CEP89: variants seen among roughly 807,000 people sequenced by gnomAD.
CEP89 encodes centrosomal protein of 89 kDa.
In CEP89, 95 loss-of-function variants were observed where a neutral mutation model predicts 97.6. The ratio of observed to expected loss-of-function variants is 0.97; its 90% CI spans 0.82 to 1.15. The LOEUF is 1.15. Among genes scored for constraint, CEP89 ranks in the 50% most tolerant of loss-of-function variants. CEP89 has a pLI of 0.00. For missense variants in CEP89, 869 were observed against 947.7 expected, an observed-to-expected ratio of 0.92 and a Z score of 1.09; for synonymous variants, 354 against 349.1, an observed-to-expected ratio of 1.01 and a Z score of -0.16.
intron 9 of CEP89, among the ~76,000 whole-genome samples, chr19:32,929,664 C>T (rs1970430964): frequency 2.6e-5 from 4 of 151,954 alleles, no homozygotes; most frequent in Non-Finnish European, 4.4e-5. Context: ...GGAAGACTGT[C>T]TTGGAGAACA....
At chr19:32,934,964 A>C (rs1234937278) in intron 7 of CEP89, among the ~76,000 whole-genome samples, 2 of 152,198 alleles carry the variant, frequency 1.3e-5, no homozygotes, top group Non-Finnish European at 1.5e-5. Flanking sequence ...ATCAATCAAT[A>C]AATAAAATTA....
chr19:32,917,217 C>T (rs1463927194), intron 13 of CEP89, among the ~76,000 whole-genome samples: 2 of 152,108 alleles, frequency 1.3e-5, no homozygotes, highest in African/African-American at 4.8e-5. Context: ...ACCCTGAAAA[C>T]AAAGATAAGA....
At position 32,959,084 on chromosome 19, in the gene CEP89, C is replaced by T. The variant is rs538999616; in HGVS notation, c.305+816G>A. Among the ~76,000 whole-genome samples the T allele has an allele frequency of 3.3e-5, 5 of 151,720 alleles. No individual in the cohort carries two copies. The South Asian group carries it at 8.3e-4, about 25-fold the overall frequency. Reference sequence around the variant, plus strand: ...AACAGACAAATGTGATCGTGGATCCCTACTCCCATCCCTGCCCCATGCACC... The same window carrying T: ...AACAGACAAATGTGATCGTGGATCCTTACTCCCATCCCTGCCCCATGCACC... On this transcript the variant is annotated intron_variant, in intron 3 of 18. Transcript: ENST00000305768.
chr19:32,893,072 C>T (rs1568546813), intron 16 of CEP89, among the ~76,000 whole-genome samples: 2 of 151,382 alleles, frequency 1.3e-5, no homozygotes, highest in South Asian at 4.2e-4. Flanking sequence ...TTAAATTTTC[C>T]ACTTAAAAGA....
intron 16 of CEP89, among the ~76,000 whole-genome samples, chr19:32,893,920 C>A (rs1349999410): frequency 6.6e-6 from 1 of 152,102 alleles, no homozygotes; most frequent in African/African-American, 2.4e-5. Flanking sequence ...GCAATAAATG[C>A]CTGCATCACA....
At chr19:32,900,588 A>G (rs1017900222) in intron 15 of CEP89, among the ~76,000 whole-genome samples, 1 of 152,046 alleles carries the variant, frequency 6.6e-6, no homozygotes, top group Non-Finnish European at 1.5e-5. Context: ...GTATTATTCT[A>G]TTAACTTTCT....
intron 4 of CEP89, among the ~76,000 whole-genome samples, chr19:32,951,355 G>A (rs1016974954): frequency 6.6e-6 from 1 of 151,810 alleles, no homozygotes; most frequent in African/African-American, 2.4e-5. Flanking sequence ...GCATGGTGGC[G>A]GGCACCTGTA....
At chr19:32,898,648 G>A (rs974643284) in intron 16 of CEP89, among the ~76,000 whole-genome samples, 5 of 152,088 alleles carry the variant, frequency 3.3e-5, no homozygotes, top group African/African-American at 7.2e-5. Context: ...CTGGGAGGCC[G>A]AGGTGGGCAG....
chr19:32,929,903 G>A (rs1367147993), intron 9 of CEP89, among the ~76,000 whole-genome samples: 1 of 152,166 alleles, frequency 6.6e-6, no homozygotes, highest in Non-Finnish European at 1.5e-5. Context: ...GTTCAGAACA[G>A]ACAAGTTCAT....
Position 32,916,846 on chromosome 19 carries a change from G to T in CEP89, c.1385-1329C>A, listed in dbSNP as rs138867074. The stretch of plus-strand genomic sequence containing the variant: ...GCCAACATGGTGAAACACCCCTACT[G>T]AAAATACAAAAATTAGCCGGGAGTG... On this transcript the variant is annotated intron_variant, in intron 13 of 18. Transcript: ENST00000305768. 5.8e-3 allele frequency among the ~76,000 whole-genome samples: 882 copies of T among 152,026 alleles called. 9 individuals carry two copies. Among genetic ancestry groups the T allele is most frequent in the African/African-American group, 0.017 (711 of 41,482 alleles).
At chr19:32,950,943 C>T (rs1211021604) in intron 4 of CEP89, among the ~76,000 whole-genome samples, 1 of 152,098 alleles carries the variant, frequency 6.6e-6, no homozygotes, top group Non-Finnish European at 1.5e-5. Context: ...TCAGAACAGG[C>T]AAAGCTAATC....
At chr19:32,927,131 CCCATCCAT>C (rs75760372) in intron 9 of CEP89, 147 bp from the exon 10 acceptor site, 103 of 594,532 alleles carry the variant, frequency 1.7e-4, no homozygotes, top group South Asian at 2.8e-4. Flanking sequence ...TACCCACCTA[CCCATCCAT>C]CCATCCATCC....
At chr19:32,900,533 G>C (rs1370052939) in intron 15 of CEP89, among the ~76,000 whole-genome samples, 2 of 151,872 alleles carry the variant, frequency 1.3e-5, no homozygotes, top group East Asian at 3.9e-4. Context: ...CAAAGTGCTG[G>C]GATTACAGGT....
intron 17 of CEP89, among the ~76,000 whole-genome samples, chr19:32,883,391 C>T (rs1029978790): frequency 3.3e-5 from 5 of 152,168 alleles, no homozygotes; most frequent in East Asian, 3.9e-4. Flanking sequence ...CGGTGGCTCA[C>T]GCCTGTAATC....
intron 1 of CEP89, among the ~76,000 whole-genome samples, chr19:32,968,304 G>A (rs138704280): frequency 0.01 from 1,527 of 152,242 alleles, 18 homozygotes; most frequent in Non-Finnish European, 0.014. Flanking sequence ...GCTGGAGTGC[G>A]GTGGCACGAT....
chr19:32,948,205 C>A (rs1190952379), intron 5 of CEP89, 61 bp downstream of exon 5: 3 of 919,046 alleles, frequency 3.3e-6, no homozygotes, highest in Non-Finnish European at 3.3e-6. Flanking sequence ...TAAAAATAAG[C>A]AATATTCATT....
chr19:32,923,775 G>A (rs1461204757), intron 11 of CEP89, among the ~76,000 whole-genome samples: 2 of 152,294 alleles, frequency 1.3e-5, no homozygotes, highest in African/African-American at 4.8e-5. Context: ...AAGAGGCAAA[G>A]AACCTGGGCT....
intron 4 of CEP89, among the ~76,000 whole-genome samples, chr19:32,950,249 T>C (rs1166923148): frequency 6.6e-6 from 1 of 151,998 alleles, no homozygotes; most frequent in Non-Finnish European, 1.5e-5. Flanking sequence ...AAATGTGAAA[T>C]AGGTAAGATG....
In CEP89 at chr19:32,933,283, T is replaced by C. The variant is rs141112426; in HGVS notation, c.886+168A>G. ...GAATTTCTTTAGTGTAATAATGATA[T>C]AGCAGATGAAATCAAATCTCAACAA... On this transcript the variant is annotated intron_variant, in intron 8 of 18. Coordinates refer to ENST00000305768, the MANE Select transcript of CEP89 (RefSeq NM_032816.5). Among the ~76,000 whole-genome samples, 26 of 152,272 alleles carry C rather than the reference T, an allele frequency of 1.7e-4. No homozygotes were observed. The East Asian group carries it at 4.2e-3, about 25-fold the overall frequency.
Sources: gnomAD v4.1 joint callset for allele counts (sites outside exome capture counted in the v4.1 genomes callset) on GRCh38, gnomAD v4.1.1 for gene constraint, MANE v1.5 for transcripts, NCBI Gene and HGNC (gene_info 2026-07-23, HGNC 2026-07-21) for gene names.